Variants in INSRR observed in about 807,000 individuals in gnomAD.
INSRR encodes the protein insulin receptor related receptor.
INSRR carries 114 observed loss-of-function variants against 130.0 expected under a neutral mutation model. The ratio of observed to expected loss-of-function variants is 0.88; its 90% CI spans 0.75 to 1.02. The LOEUF is 1.02. Ranked by LOEUF, INSRR falls within the 50% of genes least tolerant of loss-of-function variation. The pLI, the probability that INSRR is intolerant of heterozygous loss-of-function variation, is 0.00. For missense variants in INSRR, 1,657 were observed against 1,735.2 expected (o/e 0.95, Z 0.80); for synonymous variants, 674 against 705.2 (o/e 0.96, Z 0.70).
chr1:156,855,542 G>T (rs529019253), intron 1 of INSRR, among the ~76,000 whole-genome samples: 4 of 152,240 alleles, frequency 2.6e-5, no homozygotes, highest in Non-Finnish European at 5.9e-5. Flanking sequence ...ATTTTCACTG[G>T]CTGGGTGCAG....
At chr1:156,852,379 C>T (rs1343692917) in intron 2 of INSRR, among the ~76,000 whole-genome samples, 188 bp from the exon 3 acceptor site, 3 of 152,250 alleles carry the variant, frequency 2.0e-5, no homozygotes, top group African/African-American at 2.4e-5. Flanking sequence ...GGACTGTGGC[C>T]GTCTGTGGCT....
chr1:156,849,303 G>A lies in INSRR; in HGVS notation c.1387C>T (p.Arg463Ter), dbSNP rs749184269. 10 of 1,613,822 alleles carry A rather than the reference G, an allele frequency of 6.2e-6. No homozygotes were observed. Among genetic ancestry groups the A allele is most frequent in the South Asian group, 1.1e-5 (1 of 91,070 alleles). The change falls in exon 6 of 22, where the codon CGA becomes TGA. Residue 463 changes from arginine to a stop codon, truncating the protein, a stop_gained. Coordinates refer to ENST00000368195, the MANE Select transcript of INSRR (RefSeq NM_014215.3). LOFTEE classifies it high-confidence loss of function. Reference protein sequence around the residue: ...IYRLEEVTGTRGRQNKAEINP... With the variant: ...IYRLEEVTGT ...ATCTCAGCCTTGTTCTGCCGACCTC[G>A]CGTGCCTGTCACCTCCTCCAGTCGG...
intron 8 of INSRR, 145 bp from the exon 9 acceptor site, chr1:156,846,264 G>T: frequency 1.1e-6 from 1 of 931,090 alleles, no homozygotes; most frequent in Non-Finnish European, 1.6e-6. Context: ...AGAACTCAGT[G>T]TTTTGTTTCT....
Position 156,858,583 on chromosome 1 carries a change from C to G in INSRR, c.39G>C (p.Leu13=). The G allele has an allele frequency of 6.2e-7, 1 of 1,614,072 alleles. No homozygotes were observed. Residue 13 remains leucine, a synonymous_variant, in exon 1 of 22, where the codon CTG becomes CTC. Transcript: ENST00000368195. ...ATCCCAAGGAGAGGAAGATCACAGG[C>G]AGGCATGCTCCCCAGGGCCACAGAC... The part of the protein sequence containing the change: ...VPSLWPWGAC[L]PVIFLSLGFG...
chr1:156,848,790 G>A (rs1346788423), intron 7 of INSRR, 131 bp downstream of exon 7: 2 of 1,111,278 alleles, frequency 1.8e-6, no homozygotes, highest in East Asian at 2.6e-5. Context: ...CTACCACGGA[G>A]TACAACTTGC....
Position 156,850,534 on chromosome 1 carries a change from CTTTTTTTTTTT to C in INSRR, c.1229+745_1229+755del, listed in dbSNP as rs35237064. ...GACCTGGATGGTAATTTAAAACATT[CTTTTTTTTTTT>C]TTTTTTTTTTTTTTTTTTTTGAGAT... On this transcript the variant is annotated intron_variant, in intron 5 of 21. Coordinates refer to ENST00000368195, the MANE Select transcript of INSRR (RefSeq NM_014215.3). 5.3e-4 allele frequency among the ~76,000 whole-genome samples: 31 copies of C among 58,642 alleles called. No homozygotes were observed. In the East Asian group the frequency reaches 5.4e-3, roughly 10 times the overall value. 38.5% of individuals were successfully genotyped at this position (58,642 alleles called of 152,430 possible). A position where few individuals can be genotyped will look rare whatever the true frequency, so the allele number is the denominator to read the frequency against.
chr1:156,852,216 C>T (rs761358913), intron 2 of INSRR, 25 bp from the exon 3 acceptor site: 26 of 1,557,146 alleles, frequency 1.7e-5, no homozygotes, highest in South Asian at 4.9e-5. Flanking sequence ...GTGTGTTAGA[C>T]GTTGGCCATG....
rs778233321 is a variant in INSRR at position 156,844,726 on chromosome 1, T to C, written c.2555A>G (p.Lys852Arg). The change falls in exon 13 of 22, where the codon AAG (lysine) becomes AGG (arginine). Residue 852 changes from lysine to arginine, a missense_variant. By Grantham distance (26) the Lys-to-Arg change is conservative. Transcript: ENST00000368195. Reference sequence around the variant, plus strand: ...ACCTACCTCTCCCAAGCGGCGGTACTTGATTTCGTACTTGAGGATGAGTCC... The same window carrying C: ...ACCTACCTCTCCCAAGCGGCGGTACCTGATTTCGTACTTGAGGATGAGTCC... ...PNGLILKYEI[K>R]YRRLGEEATV... 6.2e-7 allele frequency: 1 copy of C among 1,614,102 alleles called. No individual in the cohort carries two copies. Among genetic ancestry groups the C allele is most frequent in the African/African-American group, 1.3e-5 (1 of 75,018 alleles).
rs1470906449 is a variant in INSRR at position 156,851,973 on chromosome 1, C to T, written c.856G>A (p.Val286Met). ...CCGAAGGTGGAGGCACGGCCGGGCA[C>T]AGAGTGCAGGCTGGCACAGCGCTCA... is the stretch of plus-strand genomic sequence containing the variant. The part of the protein sequence containing the change: ...TAERCASLHS[V>M]PGRASTFGIH... The change falls in exon 3 of 22, where the codon GTG becomes ATG. Residue 286 changes from valine to methionine, a missense_variant. Physicochemically the swap from Val to Met is conservative, Grantham distance 21. Coordinates refer to ENST00000368195, the MANE Select transcript of INSRR (RefSeq NM_014215.3). The T allele has an allele frequency of 8.1e-6, 13 of 1,608,966 alleles. No homozygotes were observed. Among genetic ancestry groups the T allele is most frequent in the Non-Finnish European group, 1.0e-5 (12 of 1,176,148 alleles).
In INSRR at chr1:156,844,733, C is replaced by A. The variant is rs1486446175; in HGVS notation, c.2548G>T (p.Glu850Ter). The A allele has an allele frequency of 6.2e-7, 1 of 1,614,142 alleles. No individual in the cohort carries two copies. The highest frequency in any genetic ancestry group is 2.2e-5 in the East Asian group (1 of 44,854). The change falls in exon 13 of 22, where the codon GAA (glutamate) becomes TAA (stop). Residue 850 changes from glutamate to a stop codon, truncating the protein, a stop_gained. Transcript: ENST00000368195. LOFTEE classifies it high-confidence loss of function. ...PDPNGLILKY[E>*]IKYRRLGEEA... ...TCTCCCAAGCGGCGGTACTTGATTT[C>A]GTACTTGAGGATGAGTCCGTTGGGG...
Position 156,858,925 on chromosome 1 carries a change from C to T in INSRR, c.-304G>A. The T allele has an allele frequency of 2.5e-6, 1 of 405,282 alleles. No homozygotes were observed. The highest frequency in any genetic ancestry group is 4.5e-5 in the East Asian group (1 of 22,408). The allele number at this position is 405,282 out of a possible 1,614,324, so 25.1% of individuals were successfully genotyped here. A position where few individuals can be genotyped will look rare whatever the true frequency, so the allele number is the denominator to read the frequency against. On this transcript the variant is annotated 5_prime_UTR_variant, in exon 1 of 22. Transcript: ENST00000368195. ...TCGGGCCTCCAGAGGGAGAAAATGA[C>T]ACAGGGTTCTGAGCAAAAGGCAGGC...
intron 19 of INSRR, 78 bp downstream of exon 19, chr1:156,842,026 ACCAGGGCT>A: frequency 6.3e-7 from 1 of 1,592,480 alleles, no homozygotes; most frequent in Non-Finnish European, 8.6e-7. Flanking sequence ...GGCTGTCAGG[ACCAGGGCT>A]GTGGGTCTCC....
chr1:156,849,513 G>GGGGGGGGGGGGGGGGGGGT, intron 5 of INSRR, 53 bp from the exon 6 acceptor site: 2 of 486,120 alleles, frequency 4.1e-6, no homozygotes, highest in Non-Finnish European at 8.3e-6. Flanking sequence ...CAGGGGGTGG[G>GGGGGGGGGGGGGGGGGGGT]AAAGGGGATG....
chr1:156,844,856 G>T lies in INSRR; in HGVS notation c.2438-13C>A, dbSNP rs374436617. 3.3e-5 allele frequency: 54 copies of T among 1,613,492 alleles called. No individual in the cohort carries two copies. Among genetic ancestry groups the T allele is most frequent in the South Asian group, 7.7e-5 (7 of 91,042 alleles). On this transcript the variant is annotated splice_polypyrimidine_tract_variant and intron_variant, in intron 12 of 21. Coordinates refer to ENST00000368195, the MANE Select transcript of INSRR (RefSeq NM_014215.3). ...CCATCAGCCTCTCCTGCGGGAAGGG[G>T]CATCCAGCAGCCGGGCCAAAAGTGG...
At chr1:156,845,556 C>CAA in intron 10 of INSRR, 63 bp downstream of exon 10, 1 of 1,442,850 alleles carries the variant, frequency 6.9e-7, no homozygotes, top group Non-Finnish European at 9.3e-7. Context: ...ACCCCTCCCG[C>CAA]AAGACCCGCC....
intron 10 of INSRR, 75 bp from the exon 11 acceptor site, chr1:156,845,488 C>T (rs1654962784): frequency 2.0e-6 from 3 of 1,507,748 alleles, no homozygotes; most frequent in Non-Finnish European, 2.7e-6. Context: ...GTACCGCCTC[C>T]AAAAGCACCC....
Position 156,850,546 on chromosome 1 carries a change from T to C in INSRR, c.1229+744A>G, listed in dbSNP as rs1011616201. ...AATTTAAAACATTCTTTTTTTTTTTTTTTTTTTTTTTTTTTTTTTGAGATG... is the reference window on the plus strand; with the variant it reads ...AATTTAAAACATTCTTTTTTTTTTTCTTTTTTTTTTTTTTTTTTTGAGATG... On this transcript the variant is annotated intron_variant, in intron 5 of 21. Transcript: ENST00000368195. Among the ~76,000 whole-genome samples, 1,046 of 104,678 alleles carry C rather than the reference T, an allele frequency of 1.0e-2. 23 individuals carry two copies. Among genetic ancestry groups the C allele is most frequent in the African/African-American group, 0.042 (999 of 23,746 alleles). 68.7% of individuals were successfully genotyped at this position (104,678 alleles called of 152,430 possible).
chr1:156,851,759 C>T lies in INSRR; in HGVS notation c.971G>A (p.Cys324Tyr), dbSNP rs771863438. 8.7e-6 allele frequency: 14 copies of T among 1,612,750 alleles called. No homozygotes were observed. In the South Asian group the frequency reaches 8.8e-5, roughly 10 times the overall value. ...SIFCHKCEGLCPKECKVGTKT... is the reference protein window; with the variant it reads ...SIFCHKCEGLYPKECKVGTKT... ...GGTGCCTACCTTGCACTCTTTAGGG[C>T]ACAGCCCCTCGCACTTGTGGCAGAA... Residue 324 changes from cysteine to tyrosine, a missense_variant, in exon 4 of 22, where the codon TGC becomes TAC. Physicochemically the swap from Cys to Tyr is radical, Grantham distance 194. Coordinates refer to ENST00000368195, the MANE Select transcript of INSRR (RefSeq NM_014215.3).
intron 15 of INSRR, 29 bp downstream of exon 15, chr1:156,844,146 G>T: frequency 1.3e-6 from 2 of 1,513,596 alleles, no homozygotes; most frequent in African/African-American, 1.4e-5. Flanking sequence ...GGAGAAAAGG[G>T]GGTGGGGACC....
Sources: allele counts gnomAD v4.1 joint callset (sites outside exome capture counted in the v4.1 genomes callset), GRCh38; gene constraint gnomAD v4.1.1; transcripts MANE v1.5; gene names NCBI Gene and HGNC (gene_info 2026-07-23, HGNC 2026-07-21).